Variants in SLC9B2 observed in about 807,000 individuals in gnomAD.
SLC9B2 encodes the protein sodium/hydrogen exchanger 9B2.
SLC9B2 carries 39 observed loss-of-function variants against 52.2 expected under a neutral mutation model. That is an observed-to-expected ratio of 0.75 (90% CI 0.58 to 0.98). The LOEUF (loss-of-function observed/expected upper bound fraction) is 0.98. Ranked by LOEUF, SLC9B2 falls within the 50% of genes least tolerant of loss-of-function variation. The pLI, the probability that SLC9B2 is intolerant of heterozygous loss-of-function variation, is 0.00. For missense variants in SLC9B2, 626 were observed against 637.5 expected, an observed-to-expected ratio of 0.98 and a Z score of 0.19; for synonymous variants, 214 against 227.0, an observed-to-expected ratio of 0.94 and a Z score of 0.51.
At chr4:103,029,268 C>T (rs1080081) in intron 10 of SLC9B2, among the ~76,000 whole-genome samples, 86,833 of 151,888 alleles carry the variant, frequency 0.57, 25,986 homozygotes, top group African/African-American at 0.77. Context: ...CATAAATGTA[C>T]AATGTATAGA....
intron 5 of SLC9B2, 58 bp from the exon 6 acceptor site, chr4:103,049,078 A>T: frequency 6.3e-7 from 1 of 1,583,814 alleles, no homozygotes; most frequent in Non-Finnish European, 8.6e-7. Flanking sequence ...AGAGAAGATG[A>T]CCTTGAATGC....
rs778812563 is a variant in SLC9B2 at position 103,066,368 on chromosome 4, G to A, written c.230C>T (p.Ala77Val). ...GTCCAGTAAACCATGTGGAGGGCAAGCCAGCATTTGTCTCAGTCTTTGTAC... is the reference window on the plus strand; with the variant it reads ...GTCCAGTAAACCATGTGGAGGGCAAACCAGCATTTGTCTCAGTCTTTGTAC... ...NHVQRLRQML[A>V]CPPHGLLDRV... The change falls in exon 3 of 12, where the codon GCT (alanine) becomes GTT (valine). Residue 77 changes from alanine to valine, a missense_variant. Transcript: ENST00000394785. The A allele has an allele frequency of 1.9e-6, 3 of 1,614,052 alleles. No individual in the cohort carries two copies. Among genetic ancestry groups the A allele is most frequent in the South Asian group, 1.1e-5 (1 of 91,066 alleles).
At chr4:103,039,779 T>C (rs1274767071) in intron 9 of SLC9B2, among the ~76,000 whole-genome samples, 6 of 151,824 alleles carry the variant, frequency 4.0e-5, no homozygotes, top group Non-Finnish European at 8.8e-5. Context: ...CCCGAGTAGC[T>C]GGGACTATAG....
intron 9 of SLC9B2, among the ~76,000 whole-genome samples, chr4:103,037,069 A>C (rs761670088): frequency 1.3e-5 from 2 of 151,762 alleles, no homozygotes; most frequent in African/African-American, 2.4e-5. Context: ...CATTAGGTGA[A>C]CTGATGTGTC....
intron 3 of SLC9B2, among the ~76,000 whole-genome samples, chr4:103,059,537 C>G (rs933436463): frequency 2.0e-5 from 3 of 152,326 alleles, no homozygotes; most frequent in Non-Finnish European, 4.4e-5. Context: ...AAACCAGCTA[C>G]TAATTGCATG....
upstream of SLC9B2, chr4:103,076,937 A>T (rs1747239788): frequency 6.6e-6 from 1 of 152,154 alleles, no homozygotes; most frequent in Non-Finnish European, 1.5e-5. Context: ...GGAAGATAGG[A>T]TTCTTTCTTA....
At position 103,040,371 on chromosome 4, in the gene SLC9B2, C is replaced by T. The variant is rs577913266; in HGVS notation, c.1146+2925G>A. 2.0e-5 allele frequency among the ~76,000 whole-genome samples: 3 copies of T among 152,298 alleles called. No homozygotes were observed. In the South Asian group the frequency reaches 6.2e-4, roughly 32 times the overall value. On this transcript the variant is annotated intron_variant, in intron 9 of 11. Coordinates refer to ENST00000394785, the MANE Select transcript of SLC9B2 (RefSeq NM_178833.7). ...ATTTCTAAAGTGTAGACAAAGGCCA[C>T]AATTTGTATTTTGATTATAATGCTT...
rs112124409 is a variant in SLC9B2, at chr4:103,045,348, T to G, written c.890-352A>C. Among the ~76,000 whole-genome samples the G allele has an allele frequency of 1.3e-3, 194 of 152,316 alleles. No homozygotes were observed. The Middle Eastern group carries it at 0.017, about 13-fold the overall frequency. Reference sequence around the variant, plus strand: ...ATCATTCTTCTTATCTAAATAAAATTACCTCTGAAGTAATTTTATTTAGCT... The same window carrying G: ...ATCATTCTTCTTATCTAAATAAAATGACCTCTGAAGTAATTTTATTTAGCT... On this transcript the variant is annotated intron_variant, in intron 7 of 11. Transcript: ENST00000394785.
In SLC9B2 at chr4:103,048,900, T is replaced by G. The variant is rs199747201; in HGVS notation, c.706A>C (p.Ile236Leu). 8.3e-5 allele frequency: 134 copies of G among 1,613,644 alleles called. No individual in the cohort carries two copies. The highest frequency in any genetic ancestry group is 9.8e-5 in the Non-Finnish European group (116 of 1,179,812). Reference sequence around the variant, plus strand: ...CAAAGAAACAATCATTACCCCAGTATAAATCCCCATTGCCATGGTAAACCC... The same window carrying G: ...CAAAGAAACAATCATTACCCCAGTAGAAATCCCCATTGCCATGGTAAACCC... The part of the protein sequence containing the change: ...LLGLPWQWGF[I>L]LGFVLGAVSP... The change falls in exon 6 of 12, where the codon ATA becomes CTA. Residue 236 changes from isoleucine to leucine, a missense_variant. Coordinates refer to ENST00000394785, the MANE Select transcript of SLC9B2 (RefSeq NM_178833.7).
chr4:103,026,255 A>T lies in SLC9B2; in HGVS notation c.*115T>A. 3 of 959,794 alleles carry T rather than the reference A, an allele frequency of 3.1e-6. No homozygotes were observed. Among genetic ancestry groups the T allele is most frequent in the South Asian group, 1.8e-5 (1 of 55,920 alleles). 59.5% of individuals were successfully genotyped at this position (959,794 alleles called of 1,614,324 possible). A position where few individuals can be genotyped will look rare whatever the true frequency, so the allele number is the denominator to read the frequency against. ...GGCTAAAAATGCTGTTTAAAGAAAC[A>T]GCTACACTTTTGGTTCTATTACATT... On this transcript the variant is annotated 3_prime_UTR_variant, in exon 12 of 12. Transcript: ENST00000394785.
chr4:103,026,355 T>A lies in SLC9B2; in HGVS notation c.*15A>T. The A allele has an allele frequency of 6.3e-7, 1 of 1,589,920 alleles. No individual in the cohort carries two copies. Among genetic ancestry groups the A allele is most frequent in the East Asian group, 2.2e-5 (1 of 44,586 alleles). Reference sequence around the variant, plus strand: ...GCTTTCTAAACATTATGTTCAGCACTCTCTCTTTTCACCTCTAAACTTGCA... The same window carrying A: ...GCTTTCTAAACATTATGTTCAGCACACTCTCTTTTCACCTCTAAACTTGCA... On this transcript the variant is annotated 3_prime_UTR_variant, in exon 12 of 12. Coordinates refer to ENST00000394785, the MANE Select transcript of SLC9B2 (RefSeq NM_178833.7).
At chr4:103,053,482 T>C (rs566215523) in intron 4 of SLC9B2, among the ~76,000 whole-genome samples, 1 of 152,318 alleles carries the variant, frequency 6.6e-6, no homozygotes, top group African/African-American at 2.4e-5. Flanking sequence ...TCCCAAGACT[T>C]TACATCTTTT....
At chr4:103,033,698 ATCTCAT>A (rs1425657693) in intron 9 of SLC9B2, among the ~76,000 whole-genome samples, 2 of 152,154 alleles carry the variant, frequency 1.3e-5, no homozygotes, top group Non-Finnish European at 2.9e-5. Flanking sequence ...CAAGAACGTG[ATCTCAT>A]TCACAATCGC....
At chr4:103,062,290 G>A (rs969396828) in intron 3 of SLC9B2, among the ~76,000 whole-genome samples, 3 of 151,892 alleles carry the variant, frequency 2.0e-5, no homozygotes, top group Non-Finnish European at 2.9e-5. Context: ...ATGGTGGCAC[G>A]TGCCTGTAAT....
intron 9 of SLC9B2, chr4:103,042,212 T>G (rs1743705310): frequency 6.6e-6 from 1 of 152,146 alleles, no homozygotes; most frequent in Non-Finnish European, 1.5e-5. Context: ...ATTTGTAACG[T>G]TTCCATATTT....
At chr4:103,065,793 T>C (rs1746073438) in intron 3 of SLC9B2, 1 of 152,148 alleles carries the variant, frequency 6.6e-6, no homozygotes, top group South Asian at 2.1e-4. Flanking sequence ...TATACAAGCC[T>C]AAAAATTTTC....
intron 1 of SLC9B2, among the ~76,000 whole-genome samples, chr4:103,070,463 C>A (rs542618059): frequency 6.6e-6 from 1 of 152,174 alleles, no homozygotes; most frequent in South Asian, 2.1e-4. Context: ...ATTTTTGAGA[C>A]GAAGTCTCCC....
chr4:103,046,324 T>C (rs1578456369), intron 7 of SLC9B2, among the ~76,000 whole-genome samples: 1 of 152,212 alleles, frequency 6.6e-6, no homozygotes, highest in Admixed American at 6.5e-5. Context: ...AAACTTGTGC[T>C]GTACCACAGG....
chr4:103,046,317 C>T (rs1331033106), intron 7 of SLC9B2, among the ~76,000 whole-genome samples: 1 of 152,202 alleles, frequency 6.6e-6, no homozygotes, highest in Non-Finnish European at 1.5e-5. Flanking sequence ...TGAACTTAAA[C>T]TTGTGCTGTA....
Sources: allele counts gnomAD v4.1 joint callset (sites outside exome capture counted in the v4.1 genomes callset), GRCh38; gene constraint gnomAD v4.1.1; transcripts MANE v1.5; gene names NCBI Gene and HGNC (gene_info 2026-07-23, HGNC 2026-07-21).